Variants in NDUFAF5 observed in about 807,000 individuals in gnomAD.
NDUFAF5 encodes the protein arginine-hydroxylase NDUFAF5, mitochondrial.
A neutral mutation model predicts 48.9 loss-of-function variants in NDUFAF5; 34 were observed. The ratio of observed to expected loss-of-function variants is 0.70; its 90% CI spans 0.53 to 0.93. NDUFAF5 has a LOEUF of 0.93. Ranked by LOEUF, NDUFAF5 falls within the 40% of genes least tolerant of loss-of-function variation. The pLI, the probability that NDUFAF5 is intolerant of heterozygous loss-of-function variation, is 0.00. For synonymous variants in NDUFAF5, 153 were observed against 150.6 expected (o/e 1.02, Z -0.12); for missense variants, 428 against 427.5 (o/e 1.00, Z -0.01).
chr20:13,796,745 G>A (rs535084175), intron 5 of NDUFAF5, among the ~76,000 whole-genome samples: 2 of 152,314 alleles, frequency 1.3e-5, no homozygotes, highest in East Asian at 3.9e-4. Flanking sequence ...TTGGGAGGCC[G>A]AGGCAGGCAG....
chr20:13,801,425 A>G (rs1984097369), intron 6 of NDUFAF5, 61 bp from the exon 7 acceptor site: 2 of 1,095,750 alleles, frequency 1.8e-6, no homozygotes, highest in African/African-American at 1.6e-5. Flanking sequence ...CTATATATTT[A>G]TTTTTTAACA....
rs1011640599 is a variant in NDUFAF5 at position 13,818,445 on chromosome 20, T to G, written c.*1235T>G. The G allele has an allele frequency of 4.2e-6, 1 of 240,026 alleles. No individual in the cohort carries two copies. Among genetic ancestry groups the G allele is most frequent in the Non-Finnish European group, 8.4e-6 (1 of 118,762 alleles). 14.9% of individuals were successfully genotyped at this position (240,026 alleles called of 1,614,324 possible). ...AATTTGGCGTTTTGTTTTTTGGGGTTTTTTTTTTTTTTAGCTTAATTTTCA... is the reference window on the plus strand; with the variant it reads ...AATTTGGCGTTTTGTTTTTTGGGGTGTTTTTTTTTTTTAGCTTAATTTTCA... On this transcript the variant is annotated 3_prime_UTR_variant, in exon 11 of 11. Coordinates refer to ENST00000378106, the MANE Select transcript of NDUFAF5 (RefSeq NM_024120.5).
At chr20:13,807,453 A>T (rs118142346) in intron 7 of NDUFAF5, among the ~76,000 whole-genome samples, 2,764 of 150,832 alleles carry the variant, frequency 0.018, 23 homozygotes, top group Non-Finnish European at 0.024. Context: ...GAATACACTT[A>T]TGTCATTTAA....
chr20:13,811,680 A>C (rs889287878), intron 8 of NDUFAF5, among the ~76,000 whole-genome samples: 15 of 152,350 alleles, frequency 9.8e-5, no homozygotes, highest in African/African-American at 3.6e-4. Flanking sequence ...AAACTCTGAA[A>C]GAGGTTAGAT....
chr20:13,803,783 C>A (rs1242867521), intron 7 of NDUFAF5, among the ~76,000 whole-genome samples: 1 of 151,760 alleles, frequency 6.6e-6, no homozygotes, highest in Non-Finnish European at 1.5e-5. Flanking sequence ...ACTATATTTT[C>A]TTTTAATTTT....
intron 9 of NDUFAF5, 61 bp downstream of exon 9, chr20:13,816,607 T>G: frequency 7.5e-7 from 1 of 1,326,054 alleles, no homozygotes; most frequent in Non-Finnish European, 1.1e-6. Flanking sequence ...TCATGTTGAT[T>G]CCCTTCACGT....
At chr20:13,800,632 A>G (rs954815800) in intron 6 of NDUFAF5, among the ~76,000 whole-genome samples, 1 of 152,250 alleles carries the variant, frequency 6.6e-6, no homozygotes, top group African/African-American at 2.4e-5. Context: ...GAAAGGTAAT[A>G]TGTTACTAGG....
rs372109934 is a variant in NDUFAF5, at chr20:13,817,254, T to C, written c.*44T>C. On this transcript the variant is annotated 3_prime_UTR_variant, in exon 11 of 11. Transcript: ENST00000378106. ...TGTCGTCCAGAATTTTCATCAGAAATGGATAGCTTTAACATCTAAAATTAT... is the reference window on the plus strand; with the variant it reads ...TGTCGTCCAGAATTTTCATCAGAAACGGATAGCTTTAACATCTAAAATTAT... The C allele has an allele frequency of 1.4e-5, 20 of 1,387,824 alleles. No homozygotes were observed. In the African/African-American group the frequency reaches 2.8e-4, roughly 20 times the overall value. The allele number at this position is 1,387,824 out of a possible 1,614,324, so 86.0% of individuals were successfully genotyped here.
Position 13,798,515 on chromosome 20 carries a change from G to A in NDUFAF5, c.519+15G>A. 6.3e-7 allele frequency: 1 copy of A among 1,583,834 alleles called. No homozygotes were observed. ...CACTTGAGCAGGTAAGAAAACTTAT[G>A]TTCATTCAACTATCTTGTGTTATTT... On this transcript the variant is annotated intron_variant, in intron 6 of 10. Transcript: ENST00000378106.
intron 5 of NDUFAF5, among the ~76,000 whole-genome samples, chr20:13,796,250 TC>T (rs1244929913): frequency 6.6e-6 from 1 of 152,190 alleles, no homozygotes; most frequent in Non-Finnish European, 1.5e-5. Context: ...AGTGTGTAAT[TC>T]CTTCCCTGGT....
At chr20:13,794,695 G>A (rs1286076850) in intron 4 of NDUFAF5, 143 bp from the exon 5 acceptor site, 6 of 672,066 alleles carry the variant, frequency 8.9e-6, no homozygotes, top group African/African-American at 1.8e-5. Flanking sequence ...CTTTTTGGGT[G>A]CCTTCTCTGT....
In NDUFAF5 at chr20:13,785,076, G is replaced by T; in HGVS notation, c.8G>T (p.Arg3Leu). The T allele has an allele frequency of 6.2e-7, 1 of 1,611,442 alleles. No individual in the cohort carries two copies. The highest frequency in any genetic ancestry group is 1.1e-5 in the South Asian group (1 of 90,920). Reference sequence around the variant, plus strand: ...TTGGGGTCGCAGCTGGAGATGCTGCGGCCGGCAGGGCTCTGGCGCTTATGT... The same window carrying T: ...TTGGGGTCGCAGCTGGAGATGCTGCTGCCGGCAGGGCTCTGGCGCTTATGT... ML[R>L]PAGLWRLCRR... The change falls in exon 1 of 11, where the codon CGG (arginine) becomes CTG (leucine). Residue 3 changes from arginine to leucine, a missense_variant. Transcript: ENST00000378106.
chr20:13,789,430 G>A (rs1012269409), intron 3 of NDUFAF5, among the ~76,000 whole-genome samples: 1 of 151,598 alleles, frequency 6.6e-6, no homozygotes, highest in African/African-American at 2.4e-5. Flanking sequence ...ATCCCAAAGC[G>A]CTGGGATGAC....
At chr20:13,803,460 AG>A (rs1430234242) in intron 7 of NDUFAF5, 1 of 152,252 alleles carries the variant, frequency 6.6e-6, no homozygotes, top group African/African-American at 2.4e-5. Flanking sequence ...TAATTGTATA[AG>A]TAACACAAAT....
chr20:13,812,208 T>C (rs1326552523), intron 8 of NDUFAF5, among the ~76,000 whole-genome samples: 1 of 152,228 alleles, frequency 6.6e-6, no homozygotes, highest in Non-Finnish European at 1.5e-5. Context: ...CCTCTGAGTG[T>C]GGAGCTTCTG....
intron 8 of NDUFAF5, among the ~76,000 whole-genome samples, chr20:13,815,428 A>G (rs1259990273): frequency 6.6e-6 from 1 of 152,238 alleles, no homozygotes; most frequent in Non-Finnish European, 1.5e-5. Context: ...GTCAATCTGC[A>G]TGAATTGGGG....
chr20:13,802,285 G>A (rs970916478), intron 7 of NDUFAF5, among the ~76,000 whole-genome samples: 7 of 152,140 alleles, frequency 4.6e-5, no homozygotes, highest in African/African-American at 1.2e-4. Flanking sequence ...TTTGTTCTCC[G>A]ACAGGAGTAA....
rs758185308 is a variant in NDUFAF5, at chr20:13,801,571, A to G, written c.605A>G (p.Gln202Arg). Residue 202 changes from glutamine (Q) to arginine (R), a missense_variant, in exon 7 of 11, where the codon CAG becomes CGG. Coordinates refer to ENST00000378106, the MANE Select transcript of NDUFAF5 (RefSeq NM_024120.5). ...CTCTATGAACTTCGGTGTTCCTTAC[A>G]GTTAGCGGAAACGGAAAGGGAAGGA... is the stretch of plus-strand genomic sequence containing the variant. ...DTLYELRCSL[Q>R]LAETEREGGF... 1.2e-6 allele frequency: 2 copies of G among 1,614,016 alleles called. No individual in the cohort carries two copies. The highest frequency in any genetic ancestry group is 1.3e-5 in the African/African-American group (1 of 75,034).
intron 7 of NDUFAF5, among the ~76,000 whole-genome samples, chr20:13,805,998 A>G (rs530003316): frequency 6.6e-6 from 1 of 152,174 alleles, no homozygotes; most frequent in African/African-American, 2.4e-5. Flanking sequence ...CTTTTGTATA[A>G]TCAGCTATAC....
Sources: allele counts gnomAD v4.1 joint callset (sites outside exome capture counted in the v4.1 genomes callset), GRCh38; gene constraint gnomAD v4.1.1; transcripts MANE v1.5; gene names NCBI Gene and HGNC (gene_info 2026-07-23, HGNC 2026-07-21).